Variants in CDH13 observed in about 807,000 individuals in gnomAD.
CDH13 encodes cadherin-13.
CDH13 carries 24 observed loss-of-function variants against 63.8 expected under a neutral mutation model. The observed-to-expected ratio is 0.38, with a 90% confidence interval of 0.27 to 0.53. CDH13 has a LOEUF of 0.53. Among genes scored for constraint, CDH13 ranks in the 20% least tolerant of loss-of-function variants. CDH13 has a pLI of 0.85. For synonymous variants in CDH13, 503 were observed against 355.3 expected (o/e 1.42, Z -4.67); for missense variants, 1,049 against 903.1 (o/e 1.16, Z -2.07).
chr16:83,101,717 C>T (rs2034487344), intron 3 of CDH13, among the ~76,000 whole-genome samples: 1 of 152,174 alleles, frequency 6.6e-6, no homozygotes, highest in Non-Finnish European at 1.5e-5. Flanking sequence ...TCAATTGAAC[C>T]TGGGAGGCAG....
intron 2 of CDH13, among the ~76,000 whole-genome samples, chr16:83,014,764 A>ATATATATATATTTG (rs1567745633): frequency 5.9e-5 from 3 of 51,124 alleles, no homozygotes; most frequent in Non-Finnish European, 8.0e-5. Flanking sequence ...ATATATATAT[A>ATATATATATATTTG]TATATATATA....
intron 1 of CDH13, among the ~76,000 whole-genome samples, chr16:82,764,875 T>G (rs931785135): frequency 1.3e-5 from 2 of 151,652 alleles, no homozygotes; most frequent in African/African-American, 4.9e-5. Flanking sequence ...AGTGCAATGT[T>G]GTAATCTTGG....
chr16:83,076,482 C>G (rs896504294), intron 3 of CDH13, among the ~76,000 whole-genome samples: 1 of 152,140 alleles, frequency 6.6e-6, no homozygotes, highest in African/African-American at 2.4e-5. Flanking sequence ...AAAATCATTT[C>G]TGAACCGTGA....
intron 10 of CDH13, among the ~76,000 whole-genome samples, chr16:83,682,103 T>G (rs2150876712): frequency 6.6e-6 from 1 of 152,346 alleles, no homozygotes; most frequent in Middle Eastern, 3.4e-3. Context: ...TTAAAAGAAT[T>G]TAAACAAGAG....
At chr16:82,908,620 T>C (rs920807165) in intron 2 of CDH13, among the ~76,000 whole-genome samples, 3 of 152,186 alleles carry the variant, frequency 2.0e-5, no homozygotes, top group African/African-American at 7.2e-5. Flanking sequence ...ATTCTTCCCT[T>C]AGAGGCAACC....
In CDH13 at chr16:83,028,047, C is replaced by G. The variant is rs565804049; in HGVS notation, c.158-3963C>G. Among the ~76,000 whole-genome samples, 47 of 152,258 alleles carry G rather than the reference C, an allele frequency of 3.1e-4. 1 individual carries two copies. The highest frequency in any genetic ancestry group is 1.1e-3 in the African/African-American group (45 of 41,554). On this transcript the variant is annotated intron_variant, in intron 2 of 13. Coordinates refer to ENST00000567109, the MANE Select transcript of CDH13 (RefSeq NM_001257.5). ...AACTTAGCTGGGAATCCAGAACCCC[C>G]ACAAACTTTCATATGCCTTTTCCTC...
intron 2 of CDH13, among the ~76,000 whole-genome samples, chr16:82,977,799 C>T (rs1365106148): frequency 1.3e-5 from 2 of 152,120 alleles, no homozygotes; most frequent in Admixed American, 1.3e-4. Context: ...GAGGTAGGAA[C>T]AGTTTGGAGG....
intron 10 of CDH13, among the ~76,000 whole-genome samples, chr16:83,692,910 C>T (rs930770572): frequency 2.6e-5 from 4 of 152,030 alleles, no homozygotes; most frequent in Admixed American, 1.3e-4. Flanking sequence ...GGTGAAACCC[C>T]GCCTCTACTA....
chr16:82,886,959 G>A (rs1173971042), intron 2 of CDH13, among the ~76,000 whole-genome samples: 1 of 152,138 alleles, frequency 6.6e-6, no homozygotes, highest in African/African-American at 2.4e-5. Flanking sequence ...TGCCTTCTAT[G>A]TCTTTTCTTG....
At chr16:82,757,102 C>T (rs1395448533) in intron 1 of CDH13, among the ~76,000 whole-genome samples, 2 of 152,154 alleles carry the variant, frequency 1.3e-5, no homozygotes, top group African/African-American at 4.8e-5. Flanking sequence ...TCTCTTCCCA[C>T]ACAACTCTTA....
intron 4 of CDH13, among the ~76,000 whole-genome samples, chr16:83,132,372 C>A (rs2036090000): frequency 6.6e-6 from 1 of 151,870 alleles, no homozygotes; most frequent in African/African-American, 2.4e-5. Context: ...TGCCCTTTAT[C>A]TATGTCTAAC....
intron 6 of CDH13, among the ~76,000 whole-genome samples, chr16:83,379,938 T>TAGAGAGAGAGAGAGAGAGAG (rs71148831): frequency 2.4e-5 from 3 of 123,456 alleles, no homozygotes; most frequent in Non-Finnish European, 3.3e-5. Context: ...TATATATATA[T>TAGAGAGAGAGAGAGAGAGAG]AGAGAGAGAG....
intron 5 of CDH13, among the ~76,000 whole-genome samples, chr16:83,233,232 T>C (rs928643989): frequency 1.6e-4 from 25 of 152,244 alleles, no homozygotes; most frequent in Admixed American, 1.6e-3. Flanking sequence ...TTCACAGGCC[T>C]GAGCTACCCT....
intron 1 of CDH13, among the ~76,000 whole-genome samples, chr16:82,730,209 G>T (rs148729625): frequency 6.6e-6 from 1 of 152,210 alleles, no homozygotes; most frequent in East Asian, 1.9e-4. Flanking sequence ...TTGGTTGATT[G>T]GCCTAAGAGG....
At chr16:83,136,190 GA>G (rs905014438) in intron 4 of CDH13, among the ~76,000 whole-genome samples, 2 of 141,076 alleles carry the variant, frequency 1.4e-5, no homozygotes, top group Admixed American at 7.0e-5. Context: ...AAAAAAAAAA[GA>G]AATAGACTTT....
intron 8 of CDH13, among the ~76,000 whole-genome samples, chr16:83,666,745 C>T (rs1913989809): frequency 6.6e-6 from 1 of 152,160 alleles, no homozygotes; most frequent in Non-Finnish European, 1.5e-5. Flanking sequence ...TCTCTAAGGC[C>T]TCCTCTTCTT....
At chr16:83,053,444 A>G (rs1187722923) in intron 3 of CDH13, among the ~76,000 whole-genome samples, 1 of 152,176 alleles carries the variant, frequency 6.6e-6, no homozygotes, top group Non-Finnish European at 1.5e-5. Flanking sequence ...AGATCAATTC[A>G]CAGTAAGAAG....
chr16:83,621,504 T>TTTTTTG (rs1909813489), intron 8 of CDH13, among the ~76,000 whole-genome samples: 6 of 134,022 alleles, frequency 4.5e-5, no homozygotes, highest in Non-Finnish European at 6.3e-5. Flanking sequence ...TTTTTTTTTT[T>TTTTTTG]GAGATGGAGT....
chr16:83,181,087 T>G, intron 4 of CDH13: 1 of 1,295,872 alleles, frequency 7.7e-7, no homozygotes, highest in Non-Finnish European at 1.0e-6. Flanking sequence ...ATTGTCCTGT[T>G]GACTGAATTT....
Sources: gnomAD v4.1 joint callset for allele counts (sites outside exome capture counted in the v4.1 genomes callset) on GRCh38, gnomAD v4.1.1 for gene constraint, MANE v1.5 for transcripts, NCBI Gene and HGNC (gene_info 2026-07-23, HGNC 2026-07-21) for gene names.